The following VRK2 variants were observed in gnomAD, a reference collection of about 807,000 sequenced individuals.
VRK2 encodes VRK serine/threonine kinase 2.
In VRK2, 60 loss-of-function variants were observed where a neutral mutation model predicts 57.6. The observed-to-expected ratio is 1.04, with a 90% CI of 0.85 to 1.29. VRK2 has a LOEUF of 1.29. Among genes scored for constraint, VRK2 ranks in the 50% most tolerant of loss-of-function variants. The pLI, the probability that VRK2 is intolerant of heterozygous loss-of-function variation, is 0.00. For synonymous variants in VRK2, 231 were observed against 199.2 expected, an observed-to-expected ratio of 1.16 and a Z score of -1.35; for missense variants, 705 against 588.1, an observed-to-expected ratio of 1.20 and a Z score of -2.06.
intron 1 of VRK2, among the ~76,000 whole-genome samples, chr2:57,942,422 T>G (rs1671128434): frequency 6.6e-6 from 1 of 152,216 alleles, no homozygotes; most frequent in Non-Finnish European, 1.5e-5. Context: ...ATTACCTTTC[T>G]TGCACCTGTG....
intron 12 of VRK2, among the ~76,000 whole-genome samples, chr2:58,157,379 C>G (rs1028087373): frequency 6.6e-6 from 1 of 152,154 alleles, no homozygotes; most frequent in African/African-American, 2.4e-5. Flanking sequence ...TGTGGGGGTG[C>G]TGTCCTGTGA....
chr2:57,948,159 T>C (rs1671318774), intron 1 of VRK2, among the ~76,000 whole-genome samples: 1 of 152,226 alleles, frequency 6.6e-6, no homozygotes, highest in African/African-American at 2.4e-5. Flanking sequence ...CTGACCAAGC[T>C]GATTTTGTCT....
At chr2:57,976,802 T>C (rs1226098886) in intron 1 of VRK2, among the ~76,000 whole-genome samples, 1 of 152,186 alleles carries the variant, frequency 6.6e-6, no homozygotes, top group Non-Finnish European at 1.5e-5. Context: ...CCAAGACCTA[T>C]GTCCACAATG....
At chr2:58,091,207 G>T (rs1052030544) in intron 7 of VRK2, among the ~76,000 whole-genome samples, 1 of 152,098 alleles carries the variant, frequency 6.6e-6, no homozygotes. Context: ...TGTAAACTGT[G>T]GCTTTTGGAT....
At chr2:58,136,925 T>C (rs1341632246) in intron 10 of VRK2, among the ~76,000 whole-genome samples, 2 of 130,786 alleles carry the variant, frequency 1.5e-5, no homozygotes, top group Non-Finnish European at 3.1e-5. Flanking sequence ...CATATATGTG[T>C]ATATATCATA....
intron 10 of VRK2, among the ~76,000 whole-genome samples, chr2:58,135,710 G>A (rs1485221502): frequency 6.6e-6 from 1 of 152,088 alleles, no homozygotes; most frequent in African/African-American, 2.4e-5. Context: ...ATGATTTTGG[G>A]ATTTGGAGGT....
chr2:58,135,015 C>CAAAA, intron 9 of VRK2, 126 bp from the exon 10 acceptor site: 1 of 780,164 alleles, frequency 1.3e-6, no homozygotes, highest in Admixed American at 2.7e-5. Flanking sequence ...AGTTGGGTGA[C>CAAAA]AAAAAAAAAA....
chr2:57,979,087 C>G (rs1672337702), intron 1 of VRK2, among the ~76,000 whole-genome samples: 1 of 151,056 alleles, frequency 6.6e-6, no homozygotes, highest in African/African-American at 2.5e-5. Context: ...TGGGTTGGTT[C>G]CATGTCTTTC....
Position 57,908,176 on chromosome 2 carries a change from C to T in VRK2, c.-439+337C>T, listed in dbSNP as rs1669883548. The stretch of plus-strand genomic sequence containing the variant: ...AGTTAAAGAACTTAGAGGAGCAGAG[C>T]ACAAAGTTGTACATCGTATGTGGTT... On this transcript the variant is annotated intron_variant, in intron 1 of 15. Coordinates refer to the VRK2 transcript ENST00000417641. Among the ~76,000 whole-genome samples, 3 of 152,304 alleles carry T rather than the reference C, an allele frequency of 2.0e-5. No homozygotes were observed. The South Asian group carries it at 6.2e-4, about 32-fold the overall frequency.
At chr2:58,025,298 T>C (rs947188553) in intron 1 of VRK2, among the ~76,000 whole-genome samples, 4 of 151,918 alleles carry the variant, frequency 2.6e-5, no homozygotes, top group African/African-American at 9.7e-5. Flanking sequence ...TTAATATCTA[T>C]AAAGCAATTA....
intron 1 of VRK2, among the ~76,000 whole-genome samples, chr2:57,916,990 A>C (rs977427353): frequency 2.0e-5 from 3 of 151,692 alleles, no homozygotes; most frequent in African/African-American, 7.3e-5. Flanking sequence ...CGAGTACATG[A>C]AACAAGTATA....
chr2:57,986,414 G>A (rs1672595071), intron 1 of VRK2, among the ~76,000 whole-genome samples: 2 of 151,896 alleles, frequency 1.3e-5, no homozygotes, highest in Non-Finnish European at 2.9e-5. Context: ...ATAGAAATCA[G>A]CACACTAATT....
chr2:58,120,179 CTTTTCTTTTTTTT>C (rs1282801152), intron 7 of VRK2, among the ~76,000 whole-genome samples: 2,523 of 93,336 alleles, frequency 0.027, 121 homozygotes, highest in African/African-American at 0.11. Context: ...ATTTTTTTTT[CTTTTCTTTTTTTT>C]TTTTTTTTTT....
chr2:58,037,230 C>T (rs1353787155), intron 3 of VRK2, among the ~76,000 whole-genome samples: 1 of 152,032 alleles, frequency 6.6e-6, no homozygotes, highest in Non-Finnish European at 1.5e-5. Context: ...GCCACCATTC[C>T]CAGTGTCTTG....
chr2:58,047,565 A>T, intron 1 of VRK2: 1 of 594,260 alleles, frequency 1.7e-6, no homozygotes, highest in African/African-American at 2.0e-5. Context: ...TTTAGAATTT[A>T]TTCCTTAATC....
At chr2:57,925,316 A>G (rs1189964406) in intron 1 of VRK2, among the ~76,000 whole-genome samples, 1 of 152,116 alleles carries the variant, frequency 6.6e-6, no homozygotes, top group Non-Finnish European at 1.5e-5. Context: ...AAAATTTGGC[A>G]GTGCTGCCAT....
chr2:57,937,281 A>G lies in VRK2; in HGVS notation c.-439+29442A>G, dbSNP rs551786918. On this transcript the variant is annotated intron_variant, in intron 1 of 15. Transcript: ENST00000417641. The stretch of plus-strand genomic sequence containing the variant: ...GTTCAGGGTCTTTACTCTGGGGTTC[A>G]TAAGAAAAATACTAAGCACCCCTCA... Among the ~76,000 whole-genome samples, 256 of 152,324 alleles carry G rather than the reference A, an allele frequency of 1.7e-3. 2 individuals are homozygous for G. Among genetic ancestry groups the G allele is most frequent in the Non-Finnish European group, 3.0e-3 (206 of 68,022 alleles).
chr2:57,935,962 T>A (rs2103943925), intron 1 of VRK2, among the ~76,000 whole-genome samples: 1 of 152,332 alleles, frequency 6.6e-6, no homozygotes, highest in Non-Finnish European at 1.5e-5. Context: ...CCAGGACTCC[T>A]GCAAAGATAC....
intron 7 of VRK2, among the ~76,000 whole-genome samples, chr2:58,104,601 G>A (rs1033963095): frequency 6.6e-6 from 1 of 151,754 alleles, no homozygotes; most frequent in African/African-American, 2.4e-5. Context: ...CATGCTTATA[G>A]ATCAGAAGAA....
Sources: allele counts gnomAD v4.1 joint callset (sites outside exome capture counted in the v4.1 genomes callset), GRCh38; gene constraint gnomAD v4.1.1; transcripts MANE v1.5; gene names NCBI Gene and HGNC (gene_info 2026-07-23, HGNC 2026-07-21).